RIMS1: variants seen among roughly 807,000 people sequenced by gnomAD.
RIMS1 encodes the protein regulating synaptic membrane exocytosis protein 1.
In RIMS1, 83 loss-of-function variants were observed where a neutral mutation model predicts 214.1. The observed-to-expected ratio is 0.39, with a 90% CI of 0.32 to 0.47. The LOEUF (loss-of-function observed/expected upper bound fraction) is 0.47, where lower values mean the gene tolerates loss of function less well. RIMS1 is among the 20% of genes least tolerant of loss of function. The pLI, the probability that RIMS1 is intolerant of heterozygous loss-of-function variation, is 0.99. For synonymous variants in RIMS1, 793 were observed against 786.8 expected (o/e 1.01, Z -0.13); for missense variants, 2,050 against 2,161.8 (o/e 0.95, Z 1.03).
At chr6:72,184,147 A>C (rs1336495748) in intron 6 of RIMS1, among the ~76,000 whole-genome samples, 3 of 152,144 alleles carry the variant, frequency 2.0e-5, no homozygotes, top group Admixed American at 6.5e-5. Flanking sequence ...TGTGGTTCTC[A>C]CGTATTTTTT....
At chr6:72,026,614 C>T (rs1816601478) in intron 2 of RIMS1, among the ~76,000 whole-genome samples, 1 of 151,952 alleles carries the variant, frequency 6.6e-6, no homozygotes, top group African/African-American at 2.4e-5. Context: ...GAAATTTGCC[C>T]AGATGTTCTA....
chr6:72,282,337 C>G (rs1010172349), intron 23 of RIMS1, among the ~76,000 whole-genome samples: 1 of 152,080 alleles, frequency 6.6e-6, no homozygotes, highest in African/African-American at 2.4e-5. Context: ...ATTCCATTCC[C>G]AACAACCATG....
intron 2 of RIMS1, among the ~76,000 whole-genome samples, chr6:72,034,765 G>T (rs1307356720): frequency 1.3e-5 from 2 of 152,040 alleles, no homozygotes; most frequent in African/African-American, 4.8e-5. Flanking sequence ...AACGAGTTAG[G>T]TTAATAAACT....
chr6:72,359,930 T>G (rs959212354), intron 29 of RIMS1, among the ~76,000 whole-genome samples: 3 of 152,216 alleles, frequency 2.0e-5, no homozygotes, highest in Non-Finnish European at 2.9e-5. Flanking sequence ...TCTGACAGCA[T>G]CGTGTACTCT....
intron 28 of RIMS1, among the ~76,000 whole-genome samples, chr6:72,322,020 T>A (rs2096199363): frequency 2.0e-5 from 3 of 152,130 alleles, no homozygotes; most frequent in Admixed American, 2.0e-4. Context: ...TAACCACATC[T>A]GTAAATAATA....
chr6:72,213,269 A>G (rs1025511519), intron 6 of RIMS1: 44 of 1,472,866 alleles, frequency 3.0e-5, no homozygotes, highest in Non-Finnish European at 3.4e-5. Context: ...TCCCAGTTGT[A>G]CCTAAATCTA....
intron 6 of RIMS1, chr6:72,213,125 G>A (rs576825034): frequency 1.5e-5 from 23 of 1,536,980 alleles, no homozygotes; most frequent in Admixed American, 7.8e-5. Flanking sequence ...TTGCTGTCAT[G>A]TGTGCACCTG....
At chr6:72,368,546 G>C (rs996359376) in intron 29 of RIMS1, among the ~76,000 whole-genome samples, 4 of 151,184 alleles carry the variant, frequency 2.6e-5, no homozygotes, top group Non-Finnish European at 5.9e-5. Context: ...CACCCGCCTC[G>C]GCCTCCACTT....
At chr6:72,081,824 T>C (rs1833495368) in intron 2 of RIMS1, among the ~76,000 whole-genome samples, 1 of 152,238 alleles carries the variant, frequency 6.6e-6, no homozygotes. Flanking sequence ...TAAAAGAACT[T>C]AAGTTATTTA....
At position 72,121,886 on chromosome 6, in the gene RIMS1, A is replaced by T. The variant is rs2038414709; in HGVS notation, c.471+21900A>T. ...AAGGGCTGTTGAATTTTGTCGAAGG[A>T]CTTTTCTGCACCTATTGAGATAATC... On this transcript the variant is annotated intron_variant, in intron 4 of 33. Transcript: ENST00000521978. Among the ~76,000 whole-genome samples the T allele has an allele frequency of 1.3e-5, 2 of 151,642 alleles. 1 individual carries two copies. The highest frequency in any genetic ancestry group is 2.9e-5 in the Non-Finnish European group (2 of 67,810).
At chr6:71,907,450 TA>T (rs1285449953) in intron 1 of RIMS1, among the ~76,000 whole-genome samples, 4 of 152,130 alleles carry the variant, frequency 2.6e-5, no homozygotes, top group African/African-American at 9.7e-5. Flanking sequence ...ATAAATGCTG[TA>T]AAAATATTAA....
chr6:72,019,755 T>G (rs1471402125), intron 2 of RIMS1, among the ~76,000 whole-genome samples: 1 of 152,174 alleles, frequency 6.6e-6, no homozygotes, highest in Middle Eastern at 3.2e-3. Flanking sequence ...GGAATGTGGG[T>G]CCTATGTCTT....
At position 72,391,155 on chromosome 6, in the gene RIMS1, C is replaced by A. The variant is rs545914786; in HGVS notation, c.4505+419C>A. On this transcript the variant is annotated intron_variant, in intron 30 of 33. Transcript: ENST00000521978. Reference sequence around the variant, plus strand: ...TTAATTTTCTCCAAGCTATTTTGGACCCTAAGCTTTTCTAAGTCTAACACT... The same window carrying A: ...TTAATTTTCTCCAAGCTATTTTGGAACCTAAGCTTTTCTAAGTCTAACACT... 5.3e-5 allele frequency among the ~76,000 whole-genome samples: 8 copies of A among 152,280 alleles called. No individual in the cohort carries two copies. The South Asian group carries it at 1.7e-3, about 32-fold the overall frequency.
intron 4 of RIMS1, among the ~76,000 whole-genome samples, chr6:72,120,878 C>G (rs1304310683): frequency 6.6e-6 from 1 of 151,920 alleles, no homozygotes; most frequent in Non-Finnish European, 1.5e-5. Flanking sequence ...TATAGCTAGC[C>G]AGTTTTCCCA....
At chr6:72,220,015 T>C (rs753398757) in intron 6 of RIMS1, among the ~76,000 whole-genome samples, 8 of 152,110 alleles carry the variant, frequency 5.3e-5, no homozygotes, top group South Asian at 2.1e-4. Context: ...ATATAATTCA[T>C]TGGAGTGTTG....
chr6:72,385,507 CTT>C (rs71674318), intron 29 of RIMS1, among the ~76,000 whole-genome samples: 28,776 of 152,092 alleles, frequency 0.19, 3,047 homozygotes, highest in Middle Eastern at 0.27. Context: ...TAAGACCAGA[CTT>C]TACATTTTCC....
chr6:72,284,110 T>C lies in RIMS1; in HGVS notation c.3546T>C (p.Asp1182=), dbSNP rs772991543. The C allele has an allele frequency of 1.9e-6, 3 of 1,613,024 alleles. No individual in the cohort carries two copies. Among genetic ancestry groups the C allele is most frequent in the South Asian group, 2.2e-5 (2 of 91,058 alleles). ...QKQTRKGTAS[D]AERVLPTCLS... ...AGACTAGGAAAGGCACTGCCTCTGATGCAGAAAGGTAGGCTTGGTGTTGTG... is the reference window on the plus strand; with the variant it reads ...AGACTAGGAAAGGCACTGCCTCTGACGCAGAAAGGTAGGCTTGGTGTTGTG... The change falls in exon 24 of 34, where the codon GAT becomes GAC. Residue 1182 remains aspartate, a synonymous_variant. Coordinates refer to ENST00000521978, the MANE Select transcript of RIMS1 (RefSeq NM_014989.7).
chr6:72,143,918 G>A (rs943876834), intron 4 of RIMS1, among the ~76,000 whole-genome samples: 21 of 152,312 alleles, frequency 1.4e-4, no homozygotes, highest in Admixed American at 1.3e-3. Context: ...GATAGCATAT[G>A]TATCCTGGAA....
chr6:72,332,923 A>G (rs75118624), intron 28 of RIMS1, among the ~76,000 whole-genome samples: 2 of 151,828 alleles, frequency 1.3e-5, no homozygotes, highest in Admixed American at 6.6e-5. Flanking sequence ...AATAAAAAGA[A>G]ATCAGCCTAC....
Sources: gnomAD v4.1 joint callset for allele counts (sites outside exome capture counted in the v4.1 genomes callset) on GRCh38, gnomAD v4.1.1 for gene constraint, MANE v1.5 for transcripts, NCBI Gene and HGNC (gene_info 2026-07-23, HGNC 2026-07-21) for gene names.